ARL10: variants seen among roughly 807,000 people sequenced by gnomAD.
The protein encoded by ARL10 is ADP-ribosylation factor-like protein 10.
Under a neutral mutation model 26.1 loss-of-function variants are expected in ARL10, and 23 were observed. The observed-to-expected ratio is 0.88, with a 90% CI of 0.63 to 1.25. The LOEUF (loss-of-function observed/expected upper bound fraction) is 1.25. Ranked by LOEUF, ARL10 falls within the 50% of genes most tolerant of loss-of-function variation. The probability of loss-of-function intolerance (pLI) is 0.00; values close to 1 mark genes in which losing one functional copy is unlikely to be tolerated. For synonymous variants in ARL10, 138 were observed against 149.1 expected, an observed-to-expected ratio of 0.93 and a Z score of 0.54; for missense variants, 300 against 323.6, an observed-to-expected ratio of 0.93 and a Z score of 0.56.
downstream of ARL10, among the ~76,000 whole-genome samples, chr5:176,404,723 G>A (rs1185458113): frequency 2.0e-5 from 3 of 152,210 alleles, no homozygotes; most frequent in African/African-American, 7.2e-5. Context: ...GGGCTCACCC[G>A]AAACCTTTGG....
In ARL10 at chr5:176,388,380, C is replaced by A; in HGVS notation, c.122C>A (p.Ser41Ter). 1 of 1,612,960 alleles carries A rather than the reference C, an allele frequency of 6.2e-7. No individual in the cohort carries two copies. The highest frequency in any genetic ancestry group is 1.1e-5 in the South Asian group (1 of 91,070). Reference sequence around the variant, plus strand: ...GAGAGACATCGCGGATCCGTCATCTCGCGGACCGTCCCGGCCGAGGCCCAC... The same window carrying A: ...GAGAGACATCGCGGATCCGTCATCTAGCGGACCGTCCCGGCCGAGGCCCAC... Residue 41 changes from serine (S) to a stop codon, truncating the protein, a stop_gained, in exon 2 of 2, where the codon TCG becomes TAG. Transcript: ENST00000503175. LOFTEE classifies it high-confidence loss of function.
downstream of ARL10, chr5:176,385,184 G>C: frequency 8.4e-7 from 1 of 1,185,348 alleles, no homozygotes; most frequent in South Asian, 1.2e-5. Flanking sequence ...GGTCCAGGGC[G>C]CCTTCCCAGC....
chr5:176,372,977 C>T lies in ARL10; in HGVS notation c.*1082C>T. On this transcript the variant is annotated 3_prime_UTR_variant, in exon 4 of 4. Transcript: ENST00000310389. Reference sequence around the variant, plus strand: ...ACAAAGTTGTGGGTTCCTCCTCCCACCTGGCTTTGAGGCTGTCGTCGATAT... The same window carrying T: ...ACAAAGTTGTGGGTTCCTCCTCCCATCTGGCTTTGAGGCTGTCGTCGATAT... The T allele has an allele frequency of 2.5e-6, 1 of 398,628 alleles. No individual in the cohort carries two copies. 24.7% of individuals were successfully genotyped at this position (398,628 alleles called of 1,614,324 possible). A position where few individuals can be genotyped will look rare whatever the true frequency, so the allele number is the denominator to read the frequency against.
chr5:176,402,962 G>A (rs898556688), downstream of ARL10, among the ~76,000 whole-genome samples: 2 of 152,198 alleles, frequency 1.3e-5, no homozygotes, highest in African/African-American at 4.8e-5. Flanking sequence ...CCAGATGTGG[G>A]AGGAGAGGAG....
chr5:176,389,512 C>A, downstream of ARL10: 1 of 1,601,136 alleles, frequency 6.2e-7, no homozygotes, highest in South Asian at 1.1e-5. Flanking sequence ...AGGGTCTGGC[C>A]TTGAAAGCTC....
chr5:176,385,066 A>G, downstream of ARL10: 2 of 656,016 alleles, frequency 3.0e-6, no homozygotes, highest in South Asian at 1.7e-5. Context: ...CATTCATTCA[A>G]GTTAGATCCC....
chr5:176,384,365 G>A (rs759109610), downstream of ARL10: 7 of 1,612,952 alleles, frequency 4.3e-6, no homozygotes, highest in African/African-American at 2.7e-5. Context: ...TTCTCATCAC[G>A]GGCCATGGCC....
chr5:176,385,174 G>A (rs1399510694), downstream of ARL10: 2 of 1,051,754 alleles, frequency 1.9e-6, no homozygotes, highest in Non-Finnish European at 3.0e-6. Context: ...AGCCGCGAAT[G>A]GTCCAGGGCG....
intron 1 of ARL10, among the ~76,000 whole-genome samples, chr5:176,394,933 A>AGG (rs1756447906): frequency 1.3e-5 from 2 of 151,864 alleles, no homozygotes; most frequent in Non-Finnish European, 2.9e-5. Context: ...GTGGTATTCC[A>AGG]CAGCACCCAT....
downstream of ARL10, among the ~76,000 whole-genome samples, chr5:176,403,610 C>A (rs868830740): frequency 2.6e-5 from 4 of 151,904 alleles, no homozygotes; most frequent in South Asian, 8.3e-4. Flanking sequence ...CCCACGACCA[C>A]GCCTGGTTAA....
rs772383384 is a variant in ARL10 at position 176,375,287 on chromosome 5, CCCATCCATCCATCCATCCAT to C, written c.*3422_*3441del. 1.1e-4 allele frequency: 5 copies of C among 45,884 alleles called. No homozygotes were observed. The highest frequency in any genetic ancestry group is 3.9e-4 in the African/African-American group (5 of 12,822). 2.8% of individuals were successfully genotyped at this position (45,884 alleles called of 1,614,324 possible). A position where few individuals can be genotyped will look rare whatever the true frequency, so the allele number is the denominator to read the frequency against. On this transcript the variant is annotated 3_prime_UTR_variant, in exon 4 of 4. Coordinates refer to ENST00000310389, the MANE Select transcript of ARL10 (RefSeq NM_173664.6). ...ACCCATCCACCCATCCATCCATCCA[CCCATCCATCCATCCATCCAT>C]CCATCCATCCATCCATCCATCCATC...
At chr5:176,411,951 C>A in the ARL10 span, among the ~76,000 whole-genome samples, 2 of 151,848 alleles carry the variant, frequency 1.3e-5, no homozygotes, top group African/African-American at 4.8e-5. Context: ...CTGAGGTGGG[C>A]AGATCACGAA....
Position 176,375,144 on chromosome 5 carries a change from CCACCCACCCACCCA to C in ARL10, c.*3250_*3263del, listed in dbSNP as rs1768652625. On this transcript the variant is annotated 3_prime_UTR_variant, in exon 4 of 4. Transcript: ENST00000310389. ...TCCACCCGTCCACCCGTCCACCCAT[CCACCCACCCACCCA>C]TCCATCCACCCACCCACCCACCCAT... 1 of 105,744 alleles carries C rather than the reference CCACCCACCCACCCA, an allele frequency of 9.5e-6. No individual in the cohort carries two copies. 6.6% of individuals were successfully genotyped at this position (105,744 alleles called of 1,614,324 possible).
In ARL10 at chr5:176,379,783, T is replaced by G. The variant is rs1397579161; in HGVS notation, c.*7888T>G. 1 of 152,254 alleles carries G rather than the reference T, an allele frequency of 6.6e-6. No homozygotes were observed. The highest frequency in any genetic ancestry group is 1.5e-5 in the Non-Finnish European group (1 of 68,048). The allele number at this position is 152,254 out of a possible 1,614,324, so 9.4% of individuals were successfully genotyped here. A position where few individuals can be genotyped will look rare whatever the true frequency, so the allele number is the denominator to read the frequency against. ...TTGAATTTAAAAGATCTTCAGCAAT[T>G]CTTCCAGTTCCTTTTTGCCTCCTCT... On this transcript the variant is annotated 3_prime_UTR_variant, in exon 4 of 4. Coordinates refer to ENST00000310389, the MANE Select transcript of ARL10 (RefSeq NM_173664.6).
Position 176,380,217 on chromosome 5 carries a change from G to A in ARL10, c.*8322G>A, listed in dbSNP as rs1442436040. On this transcript the variant is annotated 3_prime_UTR_variant, in exon 4 of 4. Transcript: ENST00000310389. ...AGCAATCCAGGTTCATGTGCTGCAT[G>A]AGCCTTTCATTTGCGTTTTGTAAAG... 1.3e-5 allele frequency: 2 copies of A among 152,212 alleles called. No individual in the cohort carries two copies. The highest frequency in any genetic ancestry group is 2.9e-5 in the Non-Finnish European group (2 of 68,056). 9.4% of individuals were successfully genotyped at this position (152,212 alleles called of 1,614,324 possible).
At chr5:176,383,252 A>G (rs1258475083), downstream of ARL10, among the ~76,000 whole-genome samples, 1 of 152,230 alleles carries the variant, frequency 6.6e-6, no homozygotes, top group African/African-American at 2.4e-5. Context: ...TTTGAGAACG[A>G]GCGACAAGAG....
At chr5:176,369,140 TCTTC>T (rs1768442777) in intron 3 of ARL10, 158 bp downstream of exon 3, 1 of 1,535,074 alleles carries the variant, frequency 6.5e-7, no homozygotes, top group Non-Finnish European at 8.7e-7. Flanking sequence ...CCTGCCTCTG[TCTTC>T]CTTCCTCTTT....
downstream of ARL10, chr5:176,389,322 C>G (rs771745832): frequency 6.2e-7 from 1 of 1,611,162 alleles, no homozygotes; most frequent in Non-Finnish European, 8.5e-7. Context: ...TGCTTTGTCC[C>G]CTCCTCAGGT....
chr5:176,409,406 CTTTTTTTT>C, the ARL10 span, among the ~76,000 whole-genome samples: 10 of 79,658 alleles, frequency 1.3e-4, no homozygotes, highest in African/African-American at 5.1e-4. Context: ...TCTGATTGCC[CTTTTTTTT>C]TTTTTTTTTT....
Sources: allele counts gnomAD v4.1 joint callset (sites outside exome capture counted in the v4.1 genomes callset), GRCh38; gene constraint gnomAD v4.1.1; transcripts MANE v1.5; gene names NCBI Gene and HGNC (gene_info 2026-07-23, HGNC 2026-07-21).